The following AGBL1 variants were observed in gnomAD, a reference collection of about 807,000 sequenced individuals.
AGBL1 encodes AGBL carboxypeptidase 1.
AGBL1 carries 130 observed loss-of-function variants against 118.9 expected under a neutral mutation model. The ratio of observed to expected loss-of-function variants is 1.09; its 90% CI spans 0.95 to 1.26. The LOEUF is 1.26. Among genes scored for constraint, AGBL1 ranks in the 50% most tolerant of loss-of-function variants. AGBL1 has a pLI of 0.00. For missense variants in AGBL1, 1,584 were observed against 1,298.1 expected, an observed-to-expected ratio of 1.22 and a Z score of -3.38; for synonymous variants, 555 against 478.9, an observed-to-expected ratio of 1.16 and a Z score of -2.08.
chr15:86,682,830 T>C (rs2085985389), intron 22 of AGBL1, among the ~76,000 whole-genome samples: 1 of 152,164 alleles, frequency 6.6e-6, no homozygotes. Flanking sequence ...CTAGATGCTG[T>C]GCTAAGCATT....
At chr15:86,329,393 A>G (rs1166291049) in intron 17 of AGBL1, among the ~76,000 whole-genome samples, 1 of 151,814 alleles carries the variant, frequency 6.6e-6, no homozygotes, top group Non-Finnish European at 1.5e-5. Context: ...CAGAAGCCTG[A>G]GCTGTCTCAC....
At chr15:86,645,649 A>AT (rs1214668948) in intron 21 of AGBL1, among the ~76,000 whole-genome samples, 1 of 152,196 alleles carries the variant, frequency 6.6e-6, no homozygotes, top group East Asian at 1.9e-4. Context: ...CTATTAAGAC[A>AT]TCCTAGAATT....
chr15:86,295,186 T>G, intron 16 of AGBL1, 69 bp from the exon 17 acceptor site: 1 of 1,527,486 alleles, frequency 6.5e-7, no homozygotes, highest in Non-Finnish European at 8.9e-7. Context: ...TGTAAGCCGT[T>G]GTTGTTTTCT....
In AGBL1 at chr15:86,898,028, C is replaced by T. The variant is rs778179036; in HGVS notation, c.3159-9059C>T. Among the ~76,000 whole-genome samples the T allele has an allele frequency of 7.9e-5, 12 of 152,066 alleles. No homozygotes were observed. In the South Asian group the frequency reaches 1.2e-3, roughly 16 times the overall value. On this transcript the variant is annotated intron_variant, in intron 22 of 22. Transcript: ENST00000614907. The stretch of plus-strand genomic sequence containing the variant: ...GCCCAAGTGATCTGCCCACCCACAC[C>T]TACCGAGTGCTGGGACTACAGGCAT...
chr15:86,472,949 C>T (rs1159400482), intron 18 of AGBL1, among the ~76,000 whole-genome samples: 1 of 152,042 alleles, frequency 6.6e-6, no homozygotes, highest in Non-Finnish European at 1.5e-5. Context: ...AATAAAATAA[C>T]CCATTAGCCC....
chr15:86,663,574 G>A (rs1480079279), intron 21 of AGBL1, among the ~76,000 whole-genome samples: 1 of 152,050 alleles, frequency 6.6e-6, no homozygotes, highest in Non-Finnish European at 1.5e-5. Flanking sequence ...GGGGAGGGAG[G>A]CAGGCTGTTG....
At chr15:86,859,108 G>A (rs1309706171) in intron 22 of AGBL1, among the ~76,000 whole-genome samples, 2 of 152,178 alleles carry the variant, frequency 1.3e-5, no homozygotes. Context: ...ATGCTCCAAG[G>A]CATATGGAAT....
intron 22 of AGBL1, among the ~76,000 whole-genome samples, chr15:86,906,409 C>T (rs2080280502): frequency 6.6e-6 from 1 of 152,114 alleles, no homozygotes; most frequent in East Asian, 1.9e-4. Flanking sequence ...GGAGAGAGGG[C>T]ATAAGTGGGA....
chr15:86,742,916 C>T (rs1236923919), intron 22 of AGBL1, among the ~76,000 whole-genome samples: 2 of 152,258 alleles, frequency 1.3e-5, no homozygotes, highest in East Asian at 1.9e-4. Flanking sequence ...TGAAAATCAA[C>T]ATACTTCAAT....
At chr15:86,131,290 T>C (rs2076815220) in intron 1 of AGBL1, among the ~76,000 whole-genome samples, 1 of 152,188 alleles carries the variant, frequency 6.6e-6, no homozygotes, top group Non-Finnish European at 1.5e-5. Context: ...TGAAATTGGC[T>C]AAGATTCAAG....
chr15:86,639,735 T>C (rs941271121), intron 21 of AGBL1, among the ~76,000 whole-genome samples: 2 of 152,124 alleles, frequency 1.3e-5, no homozygotes, highest in Non-Finnish European at 1.5e-5. Flanking sequence ...GATCCCTCTT[T>C]GGGGAGTGGA....
chr15:86,538,510 T>G (rs542494605), intron 19 of AGBL1, among the ~76,000 whole-genome samples: 13 of 152,282 alleles, frequency 8.5e-5, no homozygotes, highest in Non-Finnish European at 1.6e-4. Flanking sequence ...AGATGTTAAC[T>G]CCATTTAGGA....
chr15:86,271,878 C>G (rs1241391262), intron 15 of AGBL1, among the ~76,000 whole-genome samples, 172 bp downstream of exon 15: 1 of 152,216 alleles, frequency 6.6e-6, no homozygotes, highest in Non-Finnish European at 1.5e-5. Context: ...AGCATATTCA[C>G]TGGCACGCAC....
chr15:86,939,848 C>A (rs1038134302), intron 23 of AGBL1: 16 of 151,426 alleles, frequency 1.1e-4, no homozygotes, highest in Admixed American at 4.6e-4. Flanking sequence ...ATCTTGATAA[C>A]CATGGGAGAG....
intron 17 of AGBL1, among the ~76,000 whole-genome samples, chr15:86,359,779 G>T (rs2141918496): frequency 6.6e-6 from 1 of 151,744 alleles, no homozygotes; most frequent in East Asian, 1.9e-4. Context: ...TAAGTCTTTG[G>T]TTAAATTTAT....
At position 86,335,360 on chromosome 15, in the gene AGBL1, G is replaced by A. The variant is rs183981597; in HGVS notation, c.2374+39952G>A. 4.6e-4 allele frequency among the ~76,000 whole-genome samples: 70 copies of A among 152,208 alleles called. 2 individuals carry two copies. The East Asian group carries it at 0.01, about 22-fold the overall frequency. ...TCACTGTGTTGGCCAGGATGGTCTC[G>A]ATCTCTTGACCTTGTGATCCACCCA... On this transcript the variant is annotated intron_variant, in intron 17 of 22. Coordinates refer to ENST00000614907, the MANE Select transcript of AGBL1 (RefSeq NM_001386094.1).
intron 22 of AGBL1, among the ~76,000 whole-genome samples, chr15:86,777,939 G>A (rs975040903): frequency 2.6e-5 from 4 of 152,030 alleles, no homozygotes; most frequent in African/African-American, 4.8e-5. Context: ...GATATCCTGC[G>A]AAATTCAGCC....
At chr15:86,489,020 G>A (rs2082746784) in intron 18 of AGBL1, among the ~76,000 whole-genome samples, 1 of 152,026 alleles carries the variant, frequency 6.6e-6, no homozygotes, top group African/African-American at 2.4e-5. Flanking sequence ...TTATCCTGAG[G>A]TACTGATCTT....
chr15:86,736,472 C>G (rs570150001), intron 22 of AGBL1, among the ~76,000 whole-genome samples: 2 of 152,210 alleles, frequency 1.3e-5, no homozygotes, highest in East Asian at 1.9e-4. Flanking sequence ...CACATAACAA[C>G]TTTATGAGTG....
Sources: gnomAD v4.1 joint callset for allele counts (sites outside exome capture counted in the v4.1 genomes callset) on GRCh38, gnomAD v4.1.1 for gene constraint, MANE v1.5 for transcripts, NCBI Gene and HGNC (gene_info 2026-07-23, HGNC 2026-07-21) for gene names.